Variants in ZNF177 observed in about 807,000 individuals in gnomAD.
ZNF177 encodes zinc finger protein 177.
A neutral mutation model predicts 19.4 loss-of-function variants in ZNF177; 17 were observed. The observed-to-expected ratio is 0.87, with a 90% CI of 0.60 to 1.31. The LOEUF (loss-of-function observed/expected upper bound fraction) is 1.31. Ranked by LOEUF, ZNF177 falls within the 40% of genes most tolerant of loss-of-function variation. The pLI, the probability that ZNF177 is intolerant of heterozygous loss-of-function variation, is 0.00. For missense variants in ZNF177, 633 were observed against 561.8 expected (o/e 1.13, Z -1.28); for synonymous variants, 220 against 188.7 (o/e 1.17, Z -1.36).
In ZNF177 at chr19:9,379,091, A is replaced by G. The variant is rs756490669; in HGVS notation, c.160+3A>G. On this transcript the variant is annotated splice_donor_region_variant and intron_variant, in intron 3 of 5. Transcript: ENST00000589262. ...CTTTAGGAACCTGGCCTCAGTAGGTAAGGCTGGCCTCATTTCTTCATTTGT... is the reference window on the plus strand; with the variant it reads ...CTTTAGGAACCTGGCCTCAGTAGGTGAGGCTGGCCTCATTTCTTCATTTGT... 2 of 1,598,742 alleles carry G rather than the reference A, an allele frequency of 1.3e-6. No homozygotes were observed. The highest frequency in any genetic ancestry group is 1.7e-5 in the Admixed American group (1 of 57,678).
At chr19:9,381,560 A>C (rs759606082) in exon 6 of ZNF177, 2 of 1,614,108 alleles carry the variant, frequency 1.2e-6, no homozygotes, top group Non-Finnish European at 1.7e-6. Flanking sequence ...ACAGGCTCTT[A>C]CCTTATTGTG....
At chr19:9,379,978 A>C in intron 4 of ZNF177, 79 bp from the exon 7 acceptor site, 1 of 1,500,958 alleles carries the variant, frequency 6.7e-7, no homozygotes, top group Non-Finnish European at 9.0e-7. Flanking sequence ...TTGAAAACAA[A>C]TCCATAGGGT....
rs536351987 is a variant in ZNF177, at chr19:9,380,720, T to A, written c.389T>A (p.Phe130Tyr). 87 of 1,535,832 alleles carry A rather than the reference T, an allele frequency of 5.7e-5. No homozygotes were observed. The South Asian group carries it at 1.0e-3, about 18-fold the overall frequency. ...CTGGAGTGTAACCATTGTGGGAAAT[T>A]CAGAAAGAACACTCGCTTTATTTGT... The change falls in exon 6 of 6, where the codon TTC (phenylalanine) becomes TAC (tyrosine). Residue 130 changes from phenylalanine to tyrosine, a missense_variant. Phe to Tyr is a conservative substitution (Grantham distance 22, BLOSUM62 3). Transcript: ENST00000589262.
chr19:9,379,253 G>T, intron 3 of ZNF177, 165 bp downstream of exon 5: 1 of 1,239,708 alleles, frequency 8.1e-7, no homozygotes, highest in Non-Finnish European at 1.1e-6. Flanking sequence ...AAAATGCACT[G>T]ATTTCATTTT....
intron 3 of ZNF177, 21 bp from the exon 6 acceptor site, chr19:9,379,506 C>T (rs760658424): frequency 6.2e-7 from 1 of 1,609,620 alleles, no homozygotes; most frequent in South Asian, 1.1e-5. Context: ...TCTCCCACAT[C>T]CTTGCTTTCT....
chr19:9,375,011 T>A (rs1320609852), upstream of ZNF177, among the ~76,000 whole-genome samples: 1 of 152,190 alleles, frequency 6.6e-6, no homozygotes, highest in South Asian at 2.1e-4. Context: ...TGAAGTACTT[T>A]CCTTCTGTAA....
intron 3 of ZNF177, 97 bp downstream of exon 5, chr19:9,379,185 G>A: frequency 6.9e-7 from 1 of 1,455,822 alleles, no homozygotes; most frequent in African/African-American, 1.4e-5. Context: ...CAATACAGTG[G>A]TTAACCCCAA....
chr19:9,375,633 C>T (rs958527908), upstream of ZNF177, among the ~76,000 whole-genome samples: 2 of 152,080 alleles, frequency 1.3e-5, no homozygotes, highest in Non-Finnish European at 2.9e-5. Flanking sequence ...TCATTATGGT[C>T]TCATGATCCT....
chr19:9,377,307 A>T (rs1273174485), intron 1 of ZNF177, among the ~76,000 whole-genome samples: 1 of 152,158 alleles, frequency 6.6e-6, no homozygotes, highest in Non-Finnish European at 1.5e-5. Flanking sequence ...ATAAGTGACC[A>T]CATTACTGGT....
exon 6 of ZNF177, chr19:9,381,783 C>G (rs192540267): frequency 6.3e-7 from 1 of 1,584,616 alleles, no homozygotes; most frequent in Admixed American, 1.8e-5. Flanking sequence ...AATGAAATGA[C>G]TCAGGGAAGT....
At chr19:9,376,737 T>C (rs1426141429) in intron 1 of ZNF177, among the ~76,000 whole-genome samples, 1 of 152,214 alleles carries the variant, frequency 6.6e-6, no homozygotes, top group African/African-American at 2.4e-5. Flanking sequence ...CTATATTGTA[T>C]ATTAACAAAT....
chr19:9,369,471 A>C lies in ZNF177; in HGVS notation c.-304-2139A>C, dbSNP rs78879401. Among the ~76,000 whole-genome samples, 103 of 152,026 alleles carry C rather than the reference A, an allele frequency of 6.8e-4. 1 individual carries two copies. In the East Asian group the frequency reaches 0.019, roughly 27 times the overall value. ...TATATCTTTCTTATTTTTGAGACTCAATTTTTATGTGTTGTTGTGGATTTT... is the reference window on the plus strand; with the variant it reads ...TATATCTTTCTTATTTTTGAGACTCCATTTTTATGTGTTGTTGTGGATTTT... On this transcript the variant is annotated intron_variant, in intron 2 of 8. Transcript: ENST00000343499.
chr19:9,372,335 A>G (rs1196263120), upstream of ZNF177, among the ~76,000 whole-genome samples: 1 of 152,158 alleles, frequency 6.6e-6, no homozygotes, highest in Non-Finnish European at 1.5e-5. Flanking sequence ...CCTGATGGGT[A>G]CAGTTCCTTG....
At chr19:9,374,281 T>A (rs1233200426), upstream of ZNF177, among the ~76,000 whole-genome samples, 1 of 152,214 alleles carries the variant, frequency 6.6e-6, no homozygotes, top group Non-Finnish European at 1.5e-5. Flanking sequence ...AGTACCATAC[T>A]ATTTTCATTA....
Position 9,381,763 on chromosome 19 carries a change from A to T in ZNF177, c.1432A>T (p.Lys478Ter). Residue 478 changes from lysine (K) to a stop codon, truncating the protein, a stop_gained, in exon 6 of 6, where the codon AAA becomes TAA. Transcript: ENST00000589262. LOFTEE classifies it high-confidence loss of function. ...GCACAAGCGAATCCACAATGGCCAGAAACTCCATGAATGAAATGACTCAGG... is the reference window on the plus strand; with the variant it reads ...GCACAAGCGAATCCACAATGGCCAGTAACTCCATGAATGAAATGACTCAGG... 6.3e-7 allele frequency: 1 copy of T among 1,597,588 alleles called. No individual in the cohort carries two copies. The highest frequency in any genetic ancestry group is 1.1e-5 in the South Asian group (1 of 88,668).
chr19:9,377,386 TAACTC>T (rs1044501589), intron 1 of ZNF177, among the ~76,000 whole-genome samples: 21 of 152,234 alleles, frequency 1.4e-4, no homozygotes, highest in African/African-American at 4.3e-4. Flanking sequence ...AAAGAAAAGT[TAACTC>T]AAAAACAAGC....
intron 1 of ZNF177, among the ~76,000 whole-genome samples, chr19:9,377,147 T>C (rs1236858854): frequency 6.6e-6 from 1 of 152,122 alleles, no homozygotes; most frequent in African/African-American, 2.4e-5. Context: ...GCTAAAAAAT[T>C]CCAATCACCT....
At chr19:9,380,111 G>A in exon 5 of ZNF177, 1 of 1,611,212 alleles carries the variant, frequency 6.2e-7, no homozygotes, top group South Asian at 1.1e-5. Flanking sequence ...AACATTCCTG[G>A]GGGAAAAACA....
At chr19:9,382,372 C>T (rs143568443), downstream of ZNF177, 1 of 398,726 alleles carries the variant, frequency 2.5e-6, no homozygotes, top group African/African-American at 2.1e-5. Flanking sequence ...TTGTCTTGTC[C>T]CTTATTTCCT....
Sources: allele counts gnomAD v4.1 joint callset (sites outside exome capture counted in the v4.1 genomes callset), GRCh38; gene constraint gnomAD v4.1.1; transcripts MANE v1.5; gene names NCBI Gene and HGNC (gene_info 2026-07-23, HGNC 2026-07-21).